The following KAZN variants were observed in gnomAD, a reference collection of about 807,000 sequenced individuals.
KAZN encodes kazrin.
Under a neutral mutation model 87.4 loss-of-function variants are expected in KAZN, and 40 were observed. That is an observed-to-expected ratio of 0.46 (90% CI 0.36 to 0.60). KAZN has a LOEUF of 0.60. Among genes scored for constraint, KAZN ranks in the 20% least tolerant of loss-of-function variants. KAZN has a pLI of 0.00. For missense variants in KAZN, 898 were observed against 1,073.9 expected (o/e 0.84, Z 2.29); for synonymous variants, 466 against 458.3 (o/e 1.02, Z -0.22).
chr1:14,042,642 T>C (rs1641888105), intron 1 of KAZN, among the ~76,000 whole-genome samples: 1 of 152,234 alleles, frequency 6.6e-6, no homozygotes, highest in African/African-American at 2.4e-5. Context: ...TTCTTTTTTT[T>C]CCCTCCTATT....
intron 1 of KAZN, chr1:14,692,342 G>T (rs192148989): frequency 8.1e-6 from 3 of 368,666 alleles, no homozygotes; most frequent in Non-Finnish European, 1.5e-5. Context: ...TCATTTTTTC[G>T]ATCTTTTCTT....
intron 2 of KAZN, among the ~76,000 whole-genome samples, chr1:14,997,246 T>TTTAG (rs1557699202): frequency 7.3e-6 from 1 of 136,988 alleles, no homozygotes; most frequent in Non-Finnish European, 1.5e-5. Flanking sequence ...TATTTATTTA[T>TTTAG]TTATTTATTT....
In KAZN at chr1:14,599,312, C is replaced by G; in HGVS notation, c.226+89C>G. On this transcript the variant is annotated intron_variant, in intron 1 of 14. Coordinates refer to ENST00000376030, the MANE Select transcript of KAZN (RefSeq NM_201628.3). The surrounding 1 kb of genome is among the most constrained non-coding windows in gnomAD (Gnocchi z 4.4). ...GCCGGGGACCCGGGGTCCCCCACAC[C>G]CGGGGCGAAATCGCTTTGCATTCTG... 8.1e-7 allele frequency: 1 copy of G among 1,235,684 alleles called. No homozygotes were observed. The highest frequency in any genetic ancestry group is 1.0e-6 in the Non-Finnish European group (1 of 982,908). 76.5% of individuals were successfully genotyped at this position (1,235,684 alleles called of 1,614,324 possible).
chr1:14,367,991 C>T (rs1389096142), intron 2 of KAZN, among the ~76,000 whole-genome samples: 1 of 152,202 alleles, frequency 6.6e-6, no homozygotes, highest in East Asian at 1.9e-4. Flanking sequence ...ATAGCGAGAG[C>T]TTGAAATCTA....
At chr1:14,965,782 T>C (rs1664394070) in intron 2 of KAZN, among the ~76,000 whole-genome samples, 1 of 152,206 alleles carries the variant, frequency 6.6e-6, no homozygotes, top group African/African-American at 2.4e-5. Context: ...CTCTTTGGCC[T>C]GAGGACCACT....
At chr1:14,929,571 G>A (rs1659568942) in intron 1 of KAZN, among the ~76,000 whole-genome samples, 2 of 152,150 alleles carry the variant, frequency 1.3e-5, no homozygotes, top group Admixed American at 1.3e-4. Context: ...CAGCACATTT[G>A]CATGTAGACA....
intron 1 of KAZN, among the ~76,000 whole-genome samples, chr1:14,947,846 T>C (rs1572896853): frequency 6.6e-6 from 1 of 152,290 alleles, no homozygotes; most frequent in African/African-American, 2.4e-5. Context: ...TGGCTGTGGG[T>C]TGGTGCAAAG....
At chr1:14,261,410 C>T (rs939405238) in intron 2 of KAZN, among the ~76,000 whole-genome samples, 5 of 152,160 alleles carry the variant, frequency 3.3e-5, no homozygotes, top group Non-Finnish European at 4.4e-5. Context: ...TTCCAGGACT[C>T]GGGTTAAGAT....
chr1:15,004,552 A>G (rs1668812108), intron 2 of KAZN, among the ~76,000 whole-genome samples: 5 of 152,216 alleles, frequency 3.3e-5, no homozygotes, highest in Admixed American at 2.6e-4. Flanking sequence ...TGAGAATCAA[A>G]TGAGATGATG....
rs115765937 is a variant in KAZN at position 13,993,522 on chromosome 1, G to A, written c.91+99766G>A. 3.8e-3 allele frequency among the ~76,000 whole-genome samples: 580 copies of A among 152,274 alleles called. 3 individuals carry two copies. The highest frequency in any genetic ancestry group is 0.014 in the African/African-American group (562 of 41,548). Reference sequence around the variant, plus strand: ...ATTGTCTTTCCTATTTCAACAGGTAGATTGAATGGTAGTTGGTTTAGTCAT... The same window carrying A: ...ATTGTCTTTCCTATTTCAACAGGTAAATTGAATGGTAGTTGGTTTAGTCAT... On this transcript the variant is annotated intron_variant, in intron 1 of 16. Transcript: ENST00000636203.
chr1:14,613,677 A>C (rs189050544), intron 1 of KAZN, among the ~76,000 whole-genome samples: 1 of 152,332 alleles, frequency 6.6e-6, no homozygotes, highest in Admixed American at 6.5e-5. Context: ...CAAGAAAAAT[A>C]ATTCATTGTG....
At chr1:14,784,429 C>T (rs1244479079) in intron 1 of KAZN, among the ~76,000 whole-genome samples, 1 of 152,140 alleles carries the variant, frequency 6.6e-6, no homozygotes, top group Non-Finnish European at 1.5e-5. Context: ...CCTCCTCTCT[C>T]CCTGCATTAA....
Position 14,514,407 on chromosome 1 carries a change from A to AAT in KAZN, c.250-84570_250-84569dup, listed in dbSNP as rs1553182472. On this transcript the variant is annotated intron_variant, in intron 2 of 16. Transcript: ENST00000636203. ...ATATATTATATATATTTATATATATAATATATAAATATATATATAATATAT... is the reference window on the plus strand; with the variant it reads ...ATATATTATATATATTTATATATATAATATATATAAATATATATATAATATAT... Among the ~76,000 whole-genome samples the AAT allele has an allele frequency of 4.0e-3, 41 of 10,354 alleles. 8 individuals carry two copies. Among genetic ancestry groups the AAT allele is most frequent in the African/African-American group, 0.012 (40 of 3,288 alleles). 6.8% of individuals were successfully genotyped at this position (10,354 alleles called of 152,430 possible). A position where few individuals can be genotyped will look rare whatever the true frequency, so the allele number is the denominator to read the frequency against.
chr1:13,972,753 C>G (rs1234353890), intron 1 of KAZN, among the ~76,000 whole-genome samples: 1 of 152,172 alleles, frequency 6.6e-6, no homozygotes, highest in Non-Finnish European at 1.5e-5. Flanking sequence ...ATCAAAACAT[C>G]TGGATCTTGC....
intron 2 of KAZN, among the ~76,000 whole-genome samples, chr1:14,187,175 T>C (rs916781119): frequency 1.3e-5 from 2 of 152,134 alleles, no homozygotes; most frequent in African/African-American, 4.8e-5. Flanking sequence ...AGTAATTGAT[T>C]TCCTACTTGC....
At chr1:14,072,884 A>T (rs1643302617) in intron 1 of KAZN, among the ~76,000 whole-genome samples, 1 of 152,138 alleles carries the variant, frequency 6.6e-6, no homozygotes, top group Non-Finnish European at 1.5e-5. Context: ...TAATTCAGAG[A>T]CCTGCTTGCC....
intron 1 of KAZN, among the ~76,000 whole-genome samples, chr1:13,932,008 A>ATTTTT (rs35231877): frequency 4.9e-5 from 6 of 122,890 alleles, no homozygotes; most frequent in Non-Finnish European, 1.0e-4. Context: ...GGCTTGGCTA[A>ATTTTT]TTTTTTTTTT....
At position 13,929,106 on chromosome 1, in the gene KAZN, T is replaced by C. The variant is rs1194273122; in HGVS notation, c.91+35350T>C. On this transcript the variant is annotated intron_variant, in intron 1 of 16. Transcript: ENST00000636203. The stretch of plus-strand genomic sequence containing the variant: ...GTCTTACTCTGTCACCCAAGCTGGA[T>C]TGCAGTGGCAGGATCATAGCTCACT... Among the ~76,000 whole-genome samples, 5 of 146,586 alleles carry C rather than the reference T, an allele frequency of 3.4e-5. No individual in the cohort carries two copies. In the Admixed American group the frequency reaches 3.5e-4, roughly 10 times the overall value.
At chr1:14,742,798 A>G (rs1644146025) in intron 1 of KAZN, among the ~76,000 whole-genome samples, 1 of 152,216 alleles carries the variant, frequency 6.6e-6, no homozygotes, top group Non-Finnish European at 1.5e-5. Context: ...GTGGACAGCC[A>G]TGGTGGCAGG....
Sources: gnomAD v4.1 joint callset for allele counts (sites outside exome capture counted in the v4.1 genomes callset) on GRCh38, gnomAD v4.1.1 for gene constraint, Gnocchi (gnomAD v3.1) non-coding constraint, MANE v1.5 for transcripts, NCBI Gene and HGNC (gene_info 2026-07-23, HGNC 2026-07-21) for gene names.